The following PTBP2 variants were observed in gnomAD, a reference collection of about 807,000 sequenced individuals.
PTBP2 encodes the protein polypyrimidine tract binding protein 2.
PTBP2 carries 13 observed loss-of-function variants against 61.4 expected under a neutral mutation model. That is an observed-to-expected ratio of 0.21 (90% CI 0.14 to 0.34). The LOEUF (loss-of-function observed/expected upper bound fraction) is 0.34, where lower values mean the gene tolerates loss of function less well. Among genes scored for constraint, PTBP2 ranks in the 10% least tolerant of loss-of-function variants. The probability of loss-of-function intolerance (pLI) is 1.00; values close to 1 mark genes in which losing one functional copy is unlikely to be tolerated. For missense variants in PTBP2, 405 were observed against 642.6 expected, an observed-to-expected ratio of 0.63 and a Z score of 4.00; for synonymous variants, 215 against 218.5, an observed-to-expected ratio of 0.98 and a Z score of 0.14.
chr1:96,772,697 A>C (rs529644741), intron 5 of PTBP2, among the ~76,000 whole-genome samples: 1 of 152,184 alleles, frequency 6.6e-6, no homozygotes, highest in African/African-American at 2.4e-5. Flanking sequence ...TGACTTATTC[A>C]CTTAGCACAC....
intron 2 of PTBP2, among the ~76,000 whole-genome samples, chr1:96,729,758 A>C (rs1651134875): frequency 8.1e-6 from 1 of 123,048 alleles, no homozygotes. Flanking sequence ...TTTTTTTGAG[A>C]CGGAGCCTTG....
At chr1:96,788,643 T>G (rs1279068691) in intron 8 of PTBP2, among the ~76,000 whole-genome samples, 2 of 152,048 alleles carry the variant, frequency 1.3e-5, no homozygotes, top group Admixed American at 6.5e-5. Context: ...TTTCAAAAAT[T>G]TTTAAGAACA....
At chr1:96,735,607 A>G (rs1309960454) in intron 2 of PTBP2, among the ~76,000 whole-genome samples, 1 of 152,204 alleles carries the variant, frequency 6.6e-6, no homozygotes, top group Non-Finnish European at 1.5e-5. Context: ...AAATACAGTA[A>G]ATTAATTTCT....
chr1:96,803,627 A>G (rs898750999), intron 8 of PTBP2, among the ~76,000 whole-genome samples: 3 of 151,692 alleles, frequency 2.0e-5, no homozygotes, highest in African/African-American at 4.8e-5. Context: ...CAGATTGCCA[A>G]TGAAAGGTCA....
chr1:96,731,179 T>C (rs763342542), intron 2 of PTBP2, among the ~76,000 whole-genome samples: 1 of 152,200 alleles, frequency 6.6e-6, no homozygotes, highest in Non-Finnish European at 1.5e-5. Context: ...TTTGTTGTTA[T>C]AACATGTGGA....
intron 8 of PTBP2, among the ~76,000 whole-genome samples, chr1:96,791,978 C>T (rs145601944): frequency 0.019 from 2,870 of 151,688 alleles, 92 homozygotes; most frequent in African/African-American, 0.065. Context: ...GGACTACAGG[C>T]GCACGCCACC....
At chr1:96,746,913 CCCTTCCTTCCTT>C (rs1214485803) in intron 2 of PTBP2, among the ~76,000 whole-genome samples, 79 of 29,510 alleles carry the variant, frequency 2.7e-3, no homozygotes, top group African/African-American at 7.9e-3. Flanking sequence ...CTCCCTCCCT[CCCTTCCTTCCTT>C]CCTTCCTTCC....
chr1:96,778,804 G>A (rs1570917579), intron 7 of PTBP2, among the ~76,000 whole-genome samples: 1 of 151,920 alleles, frequency 6.6e-6, no homozygotes, highest in African/African-American at 2.4e-5. Context: ...GATTACTTCT[G>A]TGGAGCCCAG....
chr1:96,810,488 ACT>A (rs1661969004), intron 11 of PTBP2, among the ~76,000 whole-genome samples: 1 of 151,886 alleles, frequency 6.6e-6, no homozygotes, highest in South Asian at 2.1e-4. Context: ...GCTGGCTAGA[ACT>A]CTCTTGTTAC....
chr1:96,792,010 AT>A (rs899965775), intron 8 of PTBP2, among the ~76,000 whole-genome samples: 1 of 149,816 alleles, frequency 6.7e-6, no homozygotes. Flanking sequence ...ATTTCTTCAT[AT>A]TTTTTTTAGT....
At chr1:96,730,512 T>C (rs1651254284) in intron 2 of PTBP2, among the ~76,000 whole-genome samples, 1 of 152,240 alleles carries the variant, frequency 6.6e-6, no homozygotes, top group Admixed American at 6.5e-5. Context: ...CATATATCTT[T>C]CTGTTATGTA....
At chr1:96,784,287 A>C (rs1490710871) in intron 7 of PTBP2, among the ~76,000 whole-genome samples, 2 of 150,916 alleles carry the variant, frequency 1.3e-5, no homozygotes, top group Non-Finnish European at 2.9e-5. Flanking sequence ...TCTTTAATTT[A>C]CTCCTCTTAA....
chr1:96,767,312 T>C (rs1305457666), intron 3 of PTBP2, among the ~76,000 whole-genome samples: 2 of 152,088 alleles, frequency 1.3e-5, no homozygotes, highest in Non-Finnish European at 2.9e-5. Flanking sequence ...TTTTGGAAAA[T>C]CATTTGAAAG....
At chr1:96,786,625 T>C (rs771775144) in intron 8 of PTBP2, among the ~76,000 whole-genome samples, 2 of 152,198 alleles carry the variant, frequency 1.3e-5, no homozygotes, top group Non-Finnish European at 2.9e-5. Context: ...CAAAATTTAT[T>C]GAGTAGCTTC....
chr1:96,733,799 C>T (rs12563540), intron 2 of PTBP2, among the ~76,000 whole-genome samples: 44,384 of 152,064 alleles, frequency 0.29, 7,211 homozygotes, highest in East Asian at 0.44. Context: ...CCCTCTTCCA[C>T]CCAAGACAGA....
At chr1:96,816,472 G>A (rs952749314), downstream of PTBP2, 2 of 152,014 alleles carry the variant, frequency 1.3e-5, no homozygotes, top group Non-Finnish European at 2.9e-5. Context: ...TTATTTTTTG[G>A]TATTGAAGAT....
chr1:96,734,836 A>C (rs1015784946), intron 2 of PTBP2, among the ~76,000 whole-genome samples: 3 of 146,026 alleles, frequency 2.1e-5, no homozygotes, highest in Non-Finnish European at 3.0e-5. Flanking sequence ...TCCCAGGAAC[A>C]TTTCTTATAC....
At position 96,788,254 on chromosome 1, in the gene PTBP2, A is replaced by T. The variant is rs151134596; in HGVS notation, c.904+3000A>T. The stretch of plus-strand genomic sequence containing the variant: ...AAGGATATTAATATGCATATTTTGG[A>T]TGAGCCAAGCCTTCAGCTTTATTCA... On this transcript the variant is annotated intron_variant, in intron 8 of 13. Transcript: ENST00000674951. Among the ~76,000 whole-genome samples, 47 of 152,222 alleles carry T rather than the reference A, an allele frequency of 3.1e-4. No individual in the cohort carries two copies. The East Asian group carries it at 8.9e-3, about 29-fold the overall frequency.
chr1:96,810,943 AATTCAGACTTGTGAGAAG>A (rs911450538), intron 11 of PTBP2, among the ~76,000 whole-genome samples: 2 of 152,190 alleles, frequency 1.3e-5, no homozygotes, highest in African/African-American at 4.8e-5. Context: ...CAAATGAGAA[AATTCAGACTTGTGAGAAG>A]ATTGTTTTGT....
Sources: gnomAD v4.1 joint callset for allele counts (sites outside exome capture counted in the v4.1 genomes callset) on GRCh38, gnomAD v4.1.1 for gene constraint, MANE v1.5 for transcripts, NCBI Gene and HGNC (gene_info 2026-07-23, HGNC 2026-07-21) for gene names.